The following GSDMC variants were observed in gnomAD, a reference collection of about 807,000 sequenced individuals.
GSDMC encodes the protein gasdermin-C.
In GSDMC, 59 loss-of-function variants were observed where a neutral mutation model predicts 58.0. The ratio of observed to expected loss-of-function variants is 1.02; its 90% confidence interval spans 0.82 to 1.26. The LOEUF (loss-of-function observed/expected upper bound fraction) is 1.26. GSDMC is among the 50% of genes most tolerant of loss of function. The probability of loss-of-function intolerance (pLI) is 0.00; values close to 1 mark genes in which losing one functional copy is unlikely to be tolerated. For synonymous variants in GSDMC, 241 were observed against 220.2 expected (o/e 1.09, Z -0.83); for missense variants, 659 against 598.5 (o/e 1.10, Z -1.06).
At chr8:129,753,577 G>A (rs1207230092) in intron 6 of GSDMC, among the ~76,000 whole-genome samples, 2 of 152,192 alleles carry the variant, frequency 1.3e-5, no homozygotes, top group African/African-American at 4.8e-5. Context: ...AGCTGCGGTG[G>A]CTATGGTGAA....
At chr8:129,769,600 T>C (rs1425758080) in intron 3 of GSDMC, among the ~76,000 whole-genome samples, 1 of 152,156 alleles carries the variant, frequency 6.6e-6, no homozygotes, top group Non-Finnish European at 1.5e-5. Context: ...TTCACCCTTT[T>C]GTCAAGAGCC....
intron 6 of GSDMC, among the ~76,000 whole-genome samples, chr8:129,759,237 A>C (rs2033563218): frequency 6.6e-6 from 1 of 152,156 alleles, no homozygotes; most frequent in African/African-American, 2.4e-5. Flanking sequence ...ACTTAAATCT[A>C]AGGCCTCAAA....
chr8:129,714,404 C>T, the GSDMC span, among the ~76,000 whole-genome samples: 5 of 152,296 alleles, frequency 3.3e-5, no homozygotes, highest in South Asian at 4.1e-4. Flanking sequence ...TTCCTCCGTC[C>T]ATCCATTCAT....
intron 2 of GSDMC, among the ~76,000 whole-genome samples, chr8:129,776,761 T>TTTG (rs892359915): frequency 2.8e-5 from 4 of 144,784 alleles, no homozygotes; most frequent in African/African-American, 8.2e-5. Context: ...TGTTGTTGTT[T>TTTG]TTGTTGTTGT....
the GSDMC span, chr8:129,706,917 G>C: frequency 4.3e-4 from 66 of 152,248 alleles, no homozygotes; most frequent in African/African-American, 1.5e-3. Context: ...TTTATTAAAC[G>C]TTTATGGAGC....
chr8:129,747,129 T>C (rs1168434751), downstream of GSDMC, among the ~76,000 whole-genome samples: 1 of 151,482 alleles, frequency 6.6e-6, no homozygotes. Flanking sequence ...TGGTGGTACA[T>C]GCCTGCAATC....
the GSDMC span, among the ~76,000 whole-genome samples, chr8:129,715,314 A>C: frequency 6.6e-6 from 1 of 152,164 alleles, no homozygotes; most frequent in South Asian, 2.1e-4. Flanking sequence ...ACTCCAAAAA[A>C]TCTGTTTCCA....
rs2033495489 is a variant in GSDMC at position 129,757,682 on chromosome 8, TCAATGAAACATTAA to T, written c.721+2849_721+2862del. 3.3e-5 allele frequency among the ~76,000 whole-genome samples: 5 copies of T among 152,212 alleles called. No homozygotes were observed. The South Asian group carries it at 1.0e-3, about 32-fold the overall frequency. On this transcript the variant is annotated intron_variant, in intron 6 of 13. Coordinates refer to ENST00000276708, the MANE Select transcript of GSDMC (RefSeq NM_031415.3). ...TCAACAAAATACTAGCAAACCGAAT[TCAATGAAACATTAA>T]CAAGGTCATTTACAGCCAGGTGTCA... is the stretch of plus-strand genomic sequence containing the variant.
chr8:129,738,355 C>G, the GSDMC span, among the ~76,000 whole-genome samples: 1 of 152,176 alleles, frequency 6.6e-6, no homozygotes, highest in African/African-American at 2.4e-5. Context: ...CACATGCACA[C>G]ATATGTTTAT....
In GSDMC at chr8:129,760,591, T is replaced by A; in HGVS notation, c.677-2A>T. ...CATCATCATCTGAGATGAGAATGGCTGAATGGAAAAGAAGAACTTCCATTA... is the reference window on the plus strand; with the variant it reads ...CATCATCATCTGAGATGAGAATGGCAGAATGGAAAAGAAGAACTTCCATTA... On this transcript the variant is annotated splice_acceptor_variant, in intron 5 of 13. Transcript: ENST00000276708. LOFTEE classifies it high-confidence loss of function. The A allele has an allele frequency of 1.3e-6, 2 of 1,586,568 alleles. No homozygotes were observed. Among genetic ancestry groups the A allele is most frequent in the Non-Finnish European group, 1.7e-6 (2 of 1,155,558 alleles).
chr8:129,724,629 T>G, the GSDMC span, among the ~76,000 whole-genome samples: 1 of 151,716 alleles, frequency 6.6e-6, no homozygotes, highest in Non-Finnish European at 1.5e-5. Flanking sequence ...GTTCCTAATT[T>G]TGTATAGAAA....
chr8:129,739,021 T>C, the GSDMC span, among the ~76,000 whole-genome samples: 91,832 of 152,070 alleles, frequency 0.6, 30,549 homozygotes, highest in African/African-American at 0.88. Context: ...TCCAGTCAGA[T>C]AAAAGTAAAG....
At chr8:129,774,200 G>C (rs2034149052) in intron 3 of GSDMC, among the ~76,000 whole-genome samples, 1 of 152,092 alleles carries the variant, frequency 6.6e-6, no homozygotes, top group Non-Finnish European at 1.5e-5. Flanking sequence ...CATAAAAACA[G>C]ACATATAAAC....
Position 129,750,588 on chromosome 8 carries a change from C to T in GSDMC, c.944-18G>A, listed in dbSNP as rs73712931. On this transcript the variant is annotated intron_variant, in intron 10 of 13. Coordinates refer to ENST00000276708, the MANE Select transcript of GSDMC (RefSeq NM_031415.3). ...CTTGAAATCTGCTCTCAGGCATCAACGCCGACCAGAAAGTGGGGACAAGTC... is the reference window on the plus strand; with the variant it reads ...CTTGAAATCTGCTCTCAGGCATCAATGCCGACCAGAAAGTGGGGACAAGTC... 3.9e-3 allele frequency: 6,226 copies of T among 1,611,660 alleles called. 174 individuals are homozygous for T. The African/African-American group carries it at 0.065, about 17-fold the overall frequency.
chr8:129,723,355 C>T, the GSDMC span, among the ~76,000 whole-genome samples: 1 of 152,082 alleles, frequency 6.6e-6, no homozygotes, highest in African/African-American at 2.4e-5. Flanking sequence ...ATTCTCATGC[C>T]TCAGCCTCCT....
the GSDMC span, among the ~76,000 whole-genome samples, chr8:129,734,328 C>A: frequency 2.0e-5 from 3 of 152,094 alleles, no homozygotes; most frequent in African/African-American, 7.2e-5. Context: ...CAGAGAACAC[C>A]ACAAAGATAC....
the GSDMC span, among the ~76,000 whole-genome samples, chr8:129,736,830 A>C: frequency 6.6e-6 from 1 of 152,220 alleles, no homozygotes; most frequent in South Asian, 2.1e-4. Flanking sequence ...TATTCAATTA[A>C]GAAAAGAGGA....
Position 129,750,040 on chromosome 8 carries a change from G to T in GSDMC, c.1163C>A (p.Ala388Glu), listed in dbSNP as rs1297609721. The T allele has an allele frequency of 6.2e-7, 1 of 1,611,018 alleles. No homozygotes were observed. The highest frequency in any genetic ancestry group is 8.5e-7 in the Non-Finnish European group (1 of 1,178,422). The change falls in exon 12 of 14, where the codon GCA becomes GAA. Residue 388 changes from alanine (A) to glutamate (E), a missense_variant. Coordinates refer to ENST00000276708, the MANE Select transcript of GSDMC (RefSeq NM_031415.3). ...LKKLQQDSNH[A>E]WFNPKDPILY... Reference sequence around the variant, plus strand: ...AATGGGGTCCTTTGGGTTAAACCATGCATGGTTTGAATCCTGTTGAAGTTT... The same window carrying T: ...AATGGGGTCCTTTGGGTTAAACCATTCATGGTTTGAATCCTGTTGAAGTTT...
At chr8:129,750,910 A>G (rs2033163685) in intron 10 of GSDMC, among the ~76,000 whole-genome samples, 1 of 152,186 alleles carries the variant, frequency 6.6e-6, no homozygotes, top group Non-Finnish European at 1.5e-5. Context: ...TGGGCCTTAG[A>G]GGCAAAAAAC....
Sources: gnomAD v4.1 joint callset for allele counts (sites outside exome capture counted in the v4.1 genomes callset) on GRCh38, gnomAD v4.1.1 for gene constraint, MANE v1.5 for transcripts, NCBI Gene and HGNC (gene_info 2026-07-23, HGNC 2026-07-21) for gene names.